The following CDC42BPG variants were observed in gnomAD, a reference collection of about 807,000 sequenced individuals.
The protein encoded by CDC42BPG is CDC42 binding protein kinase gamma.
Under a neutral mutation model 192.2 loss-of-function variants are expected in CDC42BPG, and 157 were observed. The ratio of observed to expected loss-of-function variants is 0.82; its 90% CI spans 0.72 to 0.93. The LOEUF is 0.93. CDC42BPG is among the 40% of genes least tolerant of loss of function. The pLI, the probability that CDC42BPG is intolerant of heterozygous loss-of-function variation, is 0.00. For missense variants in CDC42BPG, 1,992 were observed against 2,122.1 expected, an observed-to-expected ratio of 0.94 and a Z score of 1.20; for synonymous variants, 981 against 918.5, an observed-to-expected ratio of 1.07 and a Z score of -1.23.
At chr11:64,834,239 C>T (rs535351898) in intron 20 of CDC42BPG, 27 bp downstream of exon 20, 35 of 1,543,696 alleles carry the variant, frequency 2.3e-5, no homozygotes, top group Middle Eastern at 2.2e-4. Flanking sequence ...AGCCTGGCTC[C>T]GGGGCAAGCA....
chr11:64,825,644 T>C (rs1213285219), intron 36 of CDC42BPG, among the ~76,000 whole-genome samples: 2 of 152,168 alleles, frequency 1.3e-5, no homozygotes, highest in South Asian at 2.1e-4. Flanking sequence ...GTGTGTGCTG[T>C]AGACGTGGCT....
Position 64,836,715 on chromosome 11 carries a change from GGGGGGGGT to G in CDC42BPG, c.1384+16_1384+23del. 5.7e-6 allele frequency: 5 copies of G among 870,666 alleles called. No homozygotes were observed. Among genetic ancestry groups the G allele is most frequent in the Non-Finnish European group, 8.3e-6 (5 of 603,956 alleles). 53.9% of individuals were successfully genotyped at this position (870,666 alleles called of 1,614,324 possible). A position where few individuals can be genotyped will look rare whatever the true frequency, so the allele number is the denominator to read the frequency against. On this transcript the variant is annotated intron_variant, in intron 11 of 36. Transcript: ENST00000342711. ...AGGTGGGACTCAGCCCTGGGGGGGG[GGGGGGGGT>G]GGGCGGAAGGGATACCTGGCAGCCT...
In CDC42BPG at chr11:64,832,718, C is replaced by T. The variant is rs747436856; in HGVS notation, c.2891G>A (p.Arg964Gln). 27 of 1,610,474 alleles carry T rather than the reference C, an allele frequency of 1.7e-5. No homozygotes were observed. The highest frequency in any genetic ancestry group is 2.2e-5 in the Non-Finnish European group (26 of 1,178,390). The change falls in exon 26 of 37, where the codon CGG (arginine) becomes CAG (glutamine). Residue 964 changes from arginine (R) to glutamine (Q), a missense_variant. Arg to Gln is a conservative substitution (Grantham distance 43). Around this residue, in one of 2 missense-constraint regions of CDC42BPG, gnomAD observed 1,656 missense variants for 1,844.3 expected, o/e 0.90. Transcript: ENST00000342711. The part of the protein sequence containing the change: ...LSVPRPSGVR[R>Q]GWQRVFAALS... ...GGCAGCAAACACGCGCTGCCAGCCC[C>T]GCCGGACACCTGAGGGCCGCGGCAC... is the stretch of plus-strand genomic sequence containing the variant.
intron 28 of CDC42BPG, 87 bp from the exon 29 acceptor site, chr11:64,830,343 T>C (rs1459739157): frequency 8.7e-7 from 1 of 1,144,134 alleles, no homozygotes; most frequent in African/African-American, 1.5e-5. Context: ...GCTGTGCCTG[T>C]TTATCTTGAG....
At chr11:64,826,973 G>A (rs1447471598) in intron 34 of CDC42BPG, 77 bp downstream of exon 34, 2 of 1,215,382 alleles carry the variant, frequency 1.6e-6, no homozygotes, top group Non-Finnish European at 2.4e-6. Context: ...GCCCGTGATT[G>A]GCTAGAGCTC....
In CDC42BPG at chr11:64,833,345, G is replaced by A. The variant is rs1373342935; in HGVS notation, c.2626-9C>T. 1 of 1,407,972 alleles carries A rather than the reference G, an allele frequency of 7.1e-7. No individual in the cohort carries two copies. The highest frequency in any genetic ancestry group is 9.7e-7 in the Non-Finnish European group (1 of 1,035,386). The allele number at this position is 1,407,972 out of a possible 1,614,324, so 87.2% of individuals were successfully genotyped here. ...AGCGTGTGTGAGCCGGGCTGGGGAG[G>A]GGGACAGCCATTACCCAAGGCCTCC... On this transcript the variant is annotated splice_polypyrimidine_tract_variant and intron_variant, in intron 23 of 36. Transcript: ENST00000342711.
chr11:64,841,618 G>A, intron 3 of CDC42BPG, 32 bp downstream of exon 3: 5 of 1,592,566 alleles, frequency 3.1e-6, no homozygotes, highest in Non-Finnish European at 4.3e-6. Context: ...CATTTGTAGG[G>A]TGCCCAAGGG....
At chr11:64,843,334 G>A (rs1165138147) in intron 1 of CDC42BPG, among the ~76,000 whole-genome samples, 1 of 151,896 alleles carries the variant, frequency 6.6e-6, no homozygotes, top group Non-Finnish European at 1.5e-5. Flanking sequence ...CACGTGTGTG[G>A]GTGTCATGGG....
At position 64,836,708 on chromosome 11, in the gene CDC42BPG, G is replaced by GC. The variant is rs1943014330; in HGVS notation, c.1384+30_1384+31insG. ...CGAGCCCAGGTGGGACTCAGCCCTG[G>GC]GGGGGGGGGGGGGGTGGGCGGAAGG... On this transcript the variant is annotated intron_variant, in intron 11 of 36. Coordinates refer to ENST00000342711, the MANE Select transcript of CDC42BPG (RefSeq NM_017525.3). 99 of 695,690 alleles carry GC rather than the reference G, an allele frequency of 1.4e-4. 1 individual carries two copies. Among genetic ancestry groups the GC allele is most frequent in the African/African-American group, 2.6e-4 (11 of 41,982 alleles). The allele number at this position is 695,690 out of a possible 1,614,324, so 43.1% of individuals were successfully genotyped here.
At position 64,838,754 on chromosome 11, in the gene CDC42BPG, C is replaced by T. The variant is rs1358254949; in HGVS notation, c.1025G>A (p.Trp342Ter). ...RNHPFFEGVD[W>*]ERLASSTAPY... ...GGCCGTGCTGCTCGCCAGCCGCTCC[C>T]AGTCCACGCCTTCGAAGAAAGGATG... The change falls in exon 8 of 37, where the codon TGG becomes TAG. Residue 342 changes from tryptophan (W) to a stop codon, truncating the protein, a stop_gained. Transcript: ENST00000342711. LOFTEE classifies it high-confidence loss of function. The T allele has an allele frequency of 6.2e-7, 1 of 1,613,042 alleles. No homozygotes were observed. Among genetic ancestry groups the T allele is most frequent in the Non-Finnish European group, 8.5e-7 (1 of 1,180,030 alleles).
rs1319615974 is a variant in CDC42BPG at position 64,833,830 on chromosome 11, A to T, written c.2473T>A (p.Ser825Thr). 1 of 1,614,126 alleles carries T rather than the reference A, an allele frequency of 6.2e-7. No homozygotes were observed. The highest frequency in any genetic ancestry group is 1.3e-5 in the African/African-American group (1 of 74,962). ...FLSFRSSEKD[S>T]AKDPGISGEA... is the part of the protein sequence containing the mutation. ...CCTGAGATGCCAGGGTCCTTGGCAG[A>T]ATCCTTCTGGGGGTGGGAGAGAGAG... Residue 825 changes from serine to threonine, a missense_variant, in exon 22 of 37, where the codon TCT becomes ACT. Around this residue, in one of 2 missense-constraint regions of CDC42BPG, gnomAD observed 1,656 missense variants for 1,844.3 expected, o/e 0.90. Coordinates refer to ENST00000342711, the MANE Select transcript of CDC42BPG (RefSeq NM_017525.3).
intron 30 of CDC42BPG, among the ~76,000 whole-genome samples, chr11:64,828,500 C>T (rs1404964720): frequency 2.6e-5 from 4 of 152,186 alleles, no homozygotes; most frequent in Admixed American, 6.5e-5. Flanking sequence ...GGACCAATGA[C>T]GGGGAAGCAG....
intron 1 of CDC42BPG, among the ~76,000 whole-genome samples, chr11:64,843,527 C>T (rs947250402): frequency 1.3e-5 from 2 of 152,132 alleles, no homozygotes; most frequent in Admixed American, 6.5e-5. Flanking sequence ...TCCCAGAGCT[C>T]AGGAGTGCCA....
At chr11:64,841,558 C>T in intron 3 of CDC42BPG, 92 bp downstream of exon 3, 3 of 1,020,448 alleles carry the variant, frequency 2.9e-6, no homozygotes, top group Middle Eastern at 3.1e-4. Context: ...TGCAGCCTTG[C>T]CCGCCCCCCC....
At chr11:64,830,971 A>G (rs1942656928) in intron 28 of CDC42BPG, among the ~76,000 whole-genome samples, 2 of 152,188 alleles carry the variant, frequency 1.3e-5, no homozygotes, top group Non-Finnish European at 2.9e-5. Flanking sequence ...TAATTCCAGC[A>G]CTTTGGGAGG....
At position 64,830,256 on chromosome 11, in the gene CDC42BPG, T is replaced by C; in HGVS notation, c.3305A>G (p.Asp1102Gly). 6.2e-7 allele frequency: 1 copy of C among 1,606,484 alleles called. No individual in the cohort carries two copies. Among genetic ancestry groups the C allele is most frequent in the East Asian group, 2.2e-5 (1 of 44,500 alleles). ...LPHTLCAAIL[D>G]QDRLALGTEE... The stretch of plus-strand genomic sequence containing the variant: ...GGTGCCAAGCGCAAGTCGATCCTGG[T>C]CTGGTAGAGGGAGGCAGAGGGTCAG... The change falls in exon 29 of 37, where the codon GAC (aspartate) becomes GGC (glycine). Residue 1102 changes from aspartate (D) to glycine (G), a missense_variant and splice_region_variant. Asp to Gly is a moderately conservative substitution (Grantham distance 94, BLOSUM62 -1). Around this residue, in one of 2 missense-constraint regions of CDC42BPG, gnomAD observed 1,656 missense variants for 1,844.3 expected, o/e 0.90. Transcript: ENST00000342711.
chr11:64,839,484 GT>G lies in CDC42BPG; in HGVS notation c.668del (p.Asn223ThrfsTer10), dbSNP rs1565697077. The G allele has an allele frequency of 6.2e-7, 1 of 1,613,168 alleles. No homozygotes were observed. ...DFGSCLRLNT[N>X]GMVDSSVAVG... ...TCTGGGGCGGGGTCCTTACCATGCCGTTGGTGTTGAGACGCAGGCAGGAGCC... is the reference window on the plus strand; with the variant it reads ...TCTGGGGCGGGGTCCTTACCATGCCGTGGTGTTGAGACGCAGGCAGGAGCC... On this transcript the variant is annotated frameshift_variant, in exon 6 of 37. Coordinates refer to ENST00000342711, the MANE Select transcript of CDC42BPG (RefSeq NM_017525.3). LOFTEE classifies it high-confidence loss of function.
Position 64,833,398 on chromosome 11 carries a change from G to A in CDC42BPG, c.2626-62C>T, listed in dbSNP as rs573705790. ...GGGCCCCATGCCCCATCCCTGAGGG[G>A]TCAGGAAAGACAAGGGGCTGAGCCA... is the stretch of plus-strand genomic sequence containing the variant. On this transcript the variant is annotated intron_variant, in intron 23 of 36. Coordinates refer to ENST00000342711, the MANE Select transcript of CDC42BPG (RefSeq NM_017525.3). 2.1e-3 allele frequency: 2,140 copies of A among 1,040,338 alleles called. 5 individuals carry two copies. The highest frequency in any genetic ancestry group is 2.6e-3 in the Non-Finnish European group (1,870 of 722,632). 64.4% of individuals were successfully genotyped at this position (1,040,338 alleles called of 1,614,324 possible).
chr11:64,839,438 C>CCTGCTCCAA, intron 6 of CDC42BPG, 40 bp downstream of exon 6: 1 of 1,583,062 alleles, frequency 6.3e-7, no homozygotes, highest in Non-Finnish European at 8.6e-7. Context: ...GCTTGGCCCG[C>CCTGCTCCAA]CTTGTATCCC....
Sources: allele counts gnomAD v4.1 joint callset (sites outside exome capture counted in the v4.1 genomes callset), GRCh38; gene constraint gnomAD v4.1.1; regional missense constraint gnomAD v4.1.1; transcripts MANE v1.5; gene names NCBI Gene and HGNC (gene_info 2026-07-23, HGNC 2026-07-21).